Variants in ERP44 observed in about 807,000 individuals in gnomAD.
The protein encoded by ERP44 is endoplasmic reticulum resident protein 44.
Under a neutral mutation model 53.4 loss-of-function variants are expected in ERP44, and 25 were observed. The ratio of observed to expected loss-of-function variants is 0.47; its 90% CI spans 0.34 to 0.65. ERP44 has a LOEUF of 0.65. Ranked by LOEUF, ERP44 falls within the 30% of genes least tolerant of loss-of-function variation. The pLI is 0.01. For missense variants in ERP44, 338 were observed against 493.2 expected, an observed-to-expected ratio of 0.69 and a Z score of 2.98; for synonymous variants, 145 against 161.2, an observed-to-expected ratio of 0.90 and a Z score of 0.76.
In ERP44 at chr9:99,980,767, C is replaced by T. The variant is rs1216757342; in HGVS notation, c.*1845G>A. On this transcript the variant is annotated 3_prime_UTR_variant, in exon 12 of 12. Coordinates refer to ENST00000262455, the MANE Select transcript of ERP44 (RefSeq NM_015051.3). ...ATAGTGGCAGGGCTAGAGCCTAAGC[C>T]CAATATGCATGAATGCTAAGTAATA... 6.6e-6 allele frequency: 1 copy of T among 152,162 alleles called. No homozygotes were observed. The highest frequency in any genetic ancestry group is 2.4e-5 in the African/African-American group (1 of 41,432). 9.4% of individuals were successfully genotyped at this position (152,162 alleles called of 1,614,324 possible).
chr9:100,009,094 T>C (rs1220247340), intron 8 of ERP44, among the ~76,000 whole-genome samples: 3 of 152,138 alleles, frequency 2.0e-5, no homozygotes, highest in Admixed American at 2.0e-4. Flanking sequence ...CACAAGGTTG[T>C]GCAAACATCA....
intron 10 of ERP44, among the ~76,000 whole-genome samples, chr9:99,992,767 C>T (rs1365470275): frequency 5.9e-5 from 9 of 152,142 alleles, no homozygotes; most frequent in Non-Finnish European, 1.2e-4. Context: ...TTTAGAAAAC[C>T]CCATTGTCTC....
intron 10 of ERP44, chr9:99,998,621 T>A (rs1830341660): frequency 1.3e-6 from 1 of 762,486 alleles, no homozygotes; most frequent in Admixed American, 1.8e-5. Flanking sequence ...TGCTTCAGAT[T>A]CTTTTTCTTG....
chr9:100,098,594 G>GGT (rs1826689269), intron 1 of ERP44, among the ~76,000 whole-genome samples, 190 bp downstream of exon 1: 1 of 152,206 alleles, frequency 6.6e-6, no homozygotes, highest in African/African-American at 2.4e-5. Flanking sequence ...CCCCGACACT[G>GGT]GTTTCTCAGG....
chr9:99,985,772 T>C (rs190473478), intron 10 of ERP44, among the ~76,000 whole-genome samples: 3 of 152,348 alleles, frequency 2.0e-5, no homozygotes, highest in African/African-American at 2.4e-5. Context: ...TGCAACTTCA[T>C]TGGATAGCTT....
chr9:100,040,828 A>G (rs1230637971), intron 4 of ERP44, among the ~76,000 whole-genome samples: 1 of 152,210 alleles, frequency 6.6e-6, no homozygotes, highest in Non-Finnish European at 1.5e-5. Context: ...TACAAAATCA[A>G]CTTACAAAAA....
chr9:100,020,477 G>T (rs1408705180), intron 6 of ERP44, 139 bp downstream of exon 6: 1 of 559,258 alleles, frequency 1.8e-6, no homozygotes, highest in African/African-American at 1.9e-5. Flanking sequence ...TTCAGAGACA[G>T]GTATAAAGAC....
chr9:100,029,583 A>G (rs982779716), intron 4 of ERP44, among the ~76,000 whole-genome samples: 1 of 152,228 alleles, frequency 6.6e-6, no homozygotes, highest in Non-Finnish European at 1.5e-5. Flanking sequence ...ACAGTAACGT[A>G]GCACAGCCAC....
At chr9:100,004,625 G>T (rs1830409612) in intron 10 of ERP44, among the ~76,000 whole-genome samples, 1 of 152,154 alleles carries the variant, frequency 6.6e-6, no homozygotes, top group Admixed American at 6.5e-5. Flanking sequence ...CACATGAAGG[G>T]TATCTCTCTC....
At chr9:100,093,322 A>G (rs1826582937) in intron 1 of ERP44, among the ~76,000 whole-genome samples, 1 of 152,232 alleles carries the variant, frequency 6.6e-6, no homozygotes, top group African/African-American at 2.4e-5. Flanking sequence ...GCATCATCAC[A>G]GAATCAACTA....
At chr9:100,029,433 AATC>A (rs1311965722) in intron 4 of ERP44, among the ~76,000 whole-genome samples, 2 of 152,258 alleles carry the variant, frequency 1.3e-5, no homozygotes, top group East Asian at 3.8e-4. Context: ...CAGTTTCACT[AATC>A]ATGTGGTTAC....
At chr9:100,074,215 A>G (rs879425843) in intron 1 of ERP44, among the ~76,000 whole-genome samples, 1 of 152,152 alleles carries the variant, frequency 6.6e-6, no homozygotes, top group Non-Finnish European at 1.5e-5. Flanking sequence ...GGAGTCCCCA[A>G]ACCCAAGGCT....
intron 4 of ERP44, among the ~76,000 whole-genome samples, chr9:100,051,922 G>A (rs974276190): frequency 5.9e-5 from 9 of 152,062 alleles, no homozygotes; most frequent in African/African-American, 2.2e-4. Flanking sequence ...CAGCTAATTA[G>A]ACTCAAAAAT....
In ERP44 at chr9:99,998,778, T is replaced by C. The variant is rs560964314; in HGVS notation, c.1016+7728A>G. ...CAAACGTTTCTTTTCTCTCTCCTCC[T>C]CCGTTCTTCTCGCTTCTCTTCTCGA... On this transcript the variant is annotated intron_variant, in intron 10 of 11. Transcript: ENST00000262455. The C allele has an allele frequency of 1.3e-5, 11 of 838,810 alleles. No individual in the cohort carries two copies. The East Asian group carries it at 2.9e-4, about 22-fold the overall frequency. The allele number at this position is 838,810 out of a possible 1,614,324, so 52.0% of individuals were successfully genotyped here.
chr9:100,052,639 C>A, intron 3 of ERP44, 107 bp from the exon 4 acceptor site: 1 of 519,506 alleles, frequency 1.9e-6, no homozygotes, highest in Non-Finnish European at 3.4e-6. Flanking sequence ...AACGACTCTG[C>A]GAGATAATCA....
At chr9:100,081,036 A>T (rs1826416320) in intron 1 of ERP44, among the ~76,000 whole-genome samples, 1 of 152,062 alleles carries the variant, frequency 6.6e-6, no homozygotes, top group African/African-American at 2.4e-5. Flanking sequence ...CTGAAAAAAA[A>T]ATATGAAAAT....
chr9:100,091,152 A>G (rs1489704299), intron 1 of ERP44, among the ~76,000 whole-genome samples: 1 of 152,220 alleles, frequency 6.6e-6, no homozygotes, highest in Non-Finnish European at 1.5e-5. Flanking sequence ...CTACAAATTC[A>G]GGTGACTTAA....
At chr9:100,095,433 C>A (rs1296999426) in intron 1 of ERP44, among the ~76,000 whole-genome samples, 1 of 151,836 alleles carries the variant, frequency 6.6e-6, no homozygotes. Context: ...TTGCTTTGAA[C>A]AATGCTGTTT....
chr9:99,982,862 A>C, intron 11 of ERP44, 149 bp from the exon 12 acceptor site: 1 of 448,868 alleles, frequency 2.2e-6, no homozygotes, highest in South Asian at 5.0e-5. Context: ...AAGATATTTA[A>C]ATGTGAAATC....
Sources: allele counts gnomAD v4.1 joint callset (sites outside exome capture counted in the v4.1 genomes callset), GRCh38; gene constraint gnomAD v4.1.1; transcripts MANE v1.5; gene names NCBI Gene and HGNC (gene_info 2026-07-23, HGNC 2026-07-21).